The following CCSER2 variants were observed in gnomAD, a reference collection of about 807,000 sequenced individuals.
CCSER2 encodes coiled-coil serine rich protein 2.
Under a neutral mutation model 92.3 loss-of-function variants are expected in CCSER2, and 46 were observed. The ratio of observed to expected loss-of-function variants is 0.50; its 90% confidence interval spans 0.39 to 0.64. The LOEUF (loss-of-function observed/expected upper bound fraction) is 0.64, where lower values mean the gene tolerates loss of function less well. Among genes scored for constraint, CCSER2 ranks in the 30% least tolerant of loss-of-function variants. CCSER2 has a pLI of 0.00. For missense variants in CCSER2, 1,244 were observed against 1,238.9 expected (o/e 1.00, Z -0.06); for synonymous variants, 433 against 431.4 (o/e 1.00, Z -0.04).
intron 1 of CCSER2, among the ~76,000 whole-genome samples, chr10:84,351,871 G>A (rs10749486): frequency 0.85 from 129,830 of 152,146 alleles, 55,466 homozygotes; most frequent in East Asian, 0.9. Flanking sequence ...GCTAGTGGCT[G>A]CTGTATTGAC....
chr10:84,449,890 A>G (rs907411024), intron 6 of CCSER2, among the ~76,000 whole-genome samples: 1 of 149,274 alleles, frequency 6.7e-6, no homozygotes, highest in Non-Finnish European at 1.5e-5. Flanking sequence ...AATTGCTAAC[A>G]TAGTATCATC....
chr10:84,497,931 G>A (rs1848535783), intron 9 of CCSER2, among the ~76,000 whole-genome samples: 1 of 152,120 alleles, frequency 6.6e-6, no homozygotes. Context: ...AGGGTTCTTC[G>A]AGATGAACCA....
In CCSER2 at chr10:84,513,912, C is replaced by A. The variant is rs1379844903; in HGVS notation, c.2789C>A (p.Ser930Tyr). The change falls in exon 10 of 10, where the codon TCT becomes TAT. Residue 930 changes from serine (S) to tyrosine (Y), a missense_variant. By Grantham distance (144) the Ser-to-Tyr change is moderately radical (BLOSUM62 -2). Transcript: ENST00000372088. Reference protein sequence around the residue: ...LQLLKPSILSSLVPPPVSESS... With the variant: ...LQLLKPSILSYLVPPPVSESS... Reference sequence around the variant, plus strand: ...CTTTTAAAGCCATCCATATTGAGTTCTTTGGTACCGCCTCCAGTTTCTGAA... The same window carrying A: ...CTTTTAAAGCCATCCATATTGAGTTATTTGGTACCGCCTCCAGTTTCTGAA... 35 of 1,536,422 alleles carry A rather than the reference C, an allele frequency of 2.3e-5. No individual in the cohort carries two copies. The highest frequency in any genetic ancestry group is 4.1e-5 in the African/African-American group (3 of 73,042).
At chr10:84,466,786 T>G (rs961341112) in intron 7 of CCSER2, among the ~76,000 whole-genome samples, 5 of 152,164 alleles carry the variant, frequency 3.3e-5, no homozygotes, top group African/African-American at 1.2e-4. Flanking sequence ...GTGCTGGGAT[T>G]ACAGGCGTAA....
At chr10:84,359,503 A>AG (rs1845385123) in intron 1 of CCSER2, among the ~76,000 whole-genome samples, 1 of 152,212 alleles carries the variant, frequency 6.6e-6, no homozygotes, top group South Asian at 2.1e-4. Flanking sequence ...ACTATATCTA[A>AG]GGTAAGGCCT....
chr10:84,502,953 G>A (rs1043197962), intron 9 of CCSER2, among the ~76,000 whole-genome samples: 2 of 152,078 alleles, frequency 1.3e-5, no homozygotes, highest in African/African-American at 4.8e-5. Context: ...GGCGAGGCGC[G>A]GTGGCTCACG....
At chr10:84,482,602 T>C (rs138322775) in intron 9 of CCSER2, among the ~76,000 whole-genome samples, 1 of 152,238 alleles carries the variant, frequency 6.6e-6, no homozygotes, top group African/African-American at 2.4e-5. Flanking sequence ...TTGTAAAATC[T>C]TATGATATGT....
chr10:84,348,734 A>C (rs1266014509), intron 1 of CCSER2, among the ~76,000 whole-genome samples: 1 of 144,340 alleles, frequency 6.9e-6, no homozygotes, highest in Non-Finnish European at 1.5e-5. Flanking sequence ...TCTTAAAAAA[A>C]GTTTTGGGTT....
At chr10:84,389,871 G>A (rs1031725983) in intron 3 of CCSER2, among the ~76,000 whole-genome samples, 25 of 152,118 alleles carry the variant, frequency 1.6e-4, no homozygotes, top group African/African-American at 5.1e-4. Flanking sequence ...GCACTCCCTT[G>A]CTCTTTTGTA....
At chr10:84,509,049 G>A (rs796333612) in intron 9 of CCSER2, among the ~76,000 whole-genome samples, 6 of 152,266 alleles carry the variant, frequency 3.9e-5, no homozygotes, top group African/African-American at 1.4e-4. Context: ...CATTATGAGA[G>A]GTACTTATGT....
rs989994443 is a variant in CCSER2, at chr10:84,500,103, T to C, written c.2326-13346T>C. 2.1e-5 allele frequency: 23 copies of C among 1,088,348 alleles called. No homozygotes were observed. In the African/African-American group the frequency reaches 3.6e-4, roughly 17 times the overall value. The allele number at this position is 1,088,348 out of a possible 1,614,324, so 67.4% of individuals were successfully genotyped here. A position where few individuals can be genotyped will look rare whatever the true frequency, so the allele number is the denominator to read the frequency against. On this transcript the variant is annotated intron_variant, in intron 9 of 9. Transcript: ENST00000372088. ...TGCTAAAGCAGCACTCTCTGTGGTCTCCTCTCTTAACACTTCCTTTTACTG... is the reference window on the plus strand; with the variant it reads ...TGCTAAAGCAGCACTCTCTGTGGTCCCCTCTCTTAACACTTCCTTTTACTG...
chr10:84,436,281 A>C (rs1480505655), intron 5 of CCSER2, among the ~76,000 whole-genome samples: 3 of 114,770 alleles, frequency 2.6e-5, no homozygotes, highest in Non-Finnish European at 5.2e-5. Context: ...AGCCGAGATC[A>C]CGCCACTGCA....
At chr10:84,381,814 G>A (rs61865044) in intron 3 of CCSER2, among the ~76,000 whole-genome samples, 19,207 of 151,068 alleles carry the variant, frequency 0.13, 1,490 homozygotes, top group Admixed American at 0.23. Context: ...TGTAGTCCCA[G>A]CTACTCGGGA....
At chr10:84,331,578 T>C (rs1440761093) in intron 1 of CCSER2, among the ~76,000 whole-genome samples, 1 of 152,218 alleles carries the variant, frequency 6.6e-6, no homozygotes, top group African/African-American at 2.4e-5. Context: ...AAATTACTTG[T>C]GTGGCTTGTC....
chr10:84,507,727 A>T (rs1215880227), intron 9 of CCSER2, among the ~76,000 whole-genome samples: 1 of 152,214 alleles, frequency 6.6e-6, no homozygotes, highest in Non-Finnish European at 1.5e-5. Flanking sequence ...CTAATGCTGT[A>T]GATCTTTGAA....
chr10:84,450,751 C>T (rs999898242), intron 6 of CCSER2, among the ~76,000 whole-genome samples: 10 of 152,172 alleles, frequency 6.6e-5, no homozygotes, highest in African/African-American at 2.4e-4. Flanking sequence ...ATTATAAATG[C>T]TACAGATATT....
chr10:84,451,686 A>G (rs1466490195), intron 6 of CCSER2, among the ~76,000 whole-genome samples: 5 of 151,968 alleles, frequency 3.3e-5, no homozygotes, highest in African/African-American at 4.8e-5. Flanking sequence ...TGTAGGTTCA[A>G]TAAAAAATTT....
intron 1 of CCSER2, among the ~76,000 whole-genome samples, chr10:84,341,015 T>C (rs1844145235): frequency 6.6e-6 from 1 of 150,652 alleles, no homozygotes; most frequent in African/African-American, 2.4e-5. Flanking sequence ...TTTCCTACTC[T>C]CATGTACCAC....
At chr10:84,332,431 TA>T (rs1440775207) in intron 1 of CCSER2, among the ~76,000 whole-genome samples, 878 of 67,872 alleles carry the variant, frequency 0.013, 21 homozygotes, top group East Asian at 0.03. Flanking sequence ...TATATATATA[TA>T]TATATTTTTT....
Sources: allele counts gnomAD v4.1 joint callset (sites outside exome capture counted in the v4.1 genomes callset), GRCh38; gene constraint gnomAD v4.1.1; transcripts MANE v1.5; gene names NCBI Gene and HGNC (gene_info 2026-07-23, HGNC 2026-07-21).